Variants in NFIA observed in about 807,000 individuals in gnomAD.
NFIA encodes the protein nuclear factor I A.
In NFIA, 8 loss-of-function variants were observed where a neutral mutation model predicts 62.8. The observed-to-expected ratio is 0.13, with a 90% confidence interval of 0.07 to 0.23. The LOEUF (loss-of-function observed/expected upper bound fraction) is 0.23. Among genes scored for constraint, NFIA ranks in the 10% least tolerant of loss-of-function variants. The pLI, the probability that NFIA is intolerant of heterozygous loss-of-function variation, is 1.00. For missense variants in NFIA, 410 were observed against 642.1 expected (o/e 0.64, Z 3.91); for synonymous variants, 235 against 238.1 (o/e 0.99, Z 0.12).
chr1:61,140,729 G>A (rs1647442991), intron 2 of NFIA, among the ~76,000 whole-genome samples: 2 of 152,054 alleles, frequency 1.3e-5, no homozygotes, highest in South Asian at 4.1e-4. Flanking sequence ...GAGTGAATTG[G>A]TAAGATAAAA....
intron 2 of NFIA, among the ~76,000 whole-genome samples, chr1:61,225,067 A>G (rs913212359): frequency 6.6e-6 from 1 of 152,222 alleles, no homozygotes; most frequent in African/African-American, 2.4e-5. Flanking sequence ...ATAGGAATCT[A>G]TTGAACCCTT....
intron 2 of NFIA, among the ~76,000 whole-genome samples, chr1:61,235,095 A>G (rs1318330580): frequency 6.6e-6 from 1 of 152,254 alleles, no homozygotes; most frequent in Non-Finnish European, 1.5e-5. Context: ...AGTGAAAGGC[A>G]TAATGGACAG....
intron 10 of NFIA, among the ~76,000 whole-genome samples, chr1:61,437,085 C>T (rs1464351469): frequency 1.2e-4 from 19 of 152,280 alleles, no homozygotes; most frequent in Admixed American, 6.5e-5. Context: ...AGGGCAACCT[C>T]GGACCCTCAC....
chr1:61,386,156 C>T (rs1458950521), intron 7 of NFIA, among the ~76,000 whole-genome samples: 3 of 152,138 alleles, frequency 2.0e-5, no homozygotes, highest in Non-Finnish European at 4.4e-5. Flanking sequence ...AGTTGGAAAG[C>T]TAATGCTTGG....
At chr1:61,139,916 A>G (rs1374758473) in intron 2 of NFIA, among the ~76,000 whole-genome samples, 1 of 151,052 alleles carries the variant, frequency 6.6e-6, no homozygotes, top group Non-Finnish European at 1.5e-5. Context: ...GGTATCTGCT[A>G]ATGGGTCAAA....
intron 1 of NFIA, among the ~76,000 whole-genome samples, chr1:61,084,137 C>G (rs915873139): frequency 1.3e-5 from 2 of 152,164 alleles, no homozygotes; most frequent in African/African-American, 2.4e-5. Flanking sequence ...TTATTCACCT[C>G]TCCCTTAAAA....
intron 7 of NFIA, among the ~76,000 whole-genome samples, chr1:61,386,865 G>A (rs941566220): frequency 3.9e-5 from 6 of 152,178 alleles, no homozygotes; most frequent in Admixed American, 1.3e-4. Context: ...AGTTCTAGAG[G>A]CTGGAAGTCC....
chr1:61,272,519 C>T (rs751760931), intron 2 of NFIA, among the ~76,000 whole-genome samples: 3 of 152,092 alleles, frequency 2.0e-5, no homozygotes, highest in Non-Finnish European at 4.4e-5. Context: ...AATTATGTTA[C>T]TCATAAGAAC....
chr1:61,282,181 C>T (rs1346561814), intron 3 of NFIA, among the ~76,000 whole-genome samples: 2 of 152,096 alleles, frequency 1.3e-5, no homozygotes, highest in Non-Finnish European at 1.5e-5. Flanking sequence ...CCCGCCCCCA[C>T]CCCCACTTCA....
chr1:61,182,877 A>G (rs767329627), intron 2 of NFIA, among the ~76,000 whole-genome samples: 1 of 152,218 alleles, frequency 6.6e-6, no homozygotes, highest in Non-Finnish European at 1.5e-5. Flanking sequence ...ATTACTTATG[A>G]TTGTAGTCAA....
At chr1:61,375,271 A>T (rs956650932) in intron 6 of NFIA, among the ~76,000 whole-genome samples, 1 of 152,192 alleles carries the variant, frequency 6.6e-6, no homozygotes. Context: ...GGTACTCAGC[A>T]TTCATGCTGG....
At chr1:61,197,862 T>G (rs1411360656) in intron 2 of NFIA, among the ~76,000 whole-genome samples, 3 of 151,918 alleles carry the variant, frequency 2.0e-5, no homozygotes, top group Non-Finnish European at 4.4e-5. Flanking sequence ...GTGCCAGTAA[T>G]TCCAGCTACT....
At chr1:61,323,451 A>T (rs1262392166) in intron 3 of NFIA, among the ~76,000 whole-genome samples, 1 of 152,192 alleles carries the variant, frequency 6.6e-6, no homozygotes, top group Non-Finnish European at 1.5e-5. Context: ...GGTTAATCTC[A>T]CAAACAGAAT....
chr1:61,118,198 A>G (rs1050972635), intron 2 of NFIA, among the ~76,000 whole-genome samples: 7 of 151,766 alleles, frequency 4.6e-5, no homozygotes, highest in African/African-American at 1.4e-4. Context: ...GAACAAAAAA[A>G]AAAAAAAGAA....
chr1:61,237,899 G>A (rs1044824060), intron 2 of NFIA, among the ~76,000 whole-genome samples: 4 of 152,164 alleles, frequency 2.6e-5, no homozygotes, highest in African/African-American at 9.7e-5. Context: ...CAGAATGGAA[G>A]TGCATCATTA....
chr1:61,093,440 G>A (rs1646356090), intron 2 of NFIA, among the ~76,000 whole-genome samples: 1 of 152,088 alleles, frequency 6.6e-6, no homozygotes, highest in Non-Finnish European at 1.5e-5. Context: ...CTAGCTTTAA[G>A]CTCAAGGTGG....
At position 61,406,461 on chromosome 1, in the gene NFIA, A is replaced by G; in HGVS notation, c.1255-101A>G. ...GCTAGATACTTAGTAATTTACATTAAAGGTGCCTGATGAATATTTTGTTTT... is the reference window on the plus strand; with the variant it reads ...GCTAGATACTTAGTAATTTACATTAGAGGTGCCTGATGAATATTTTGTTTT... On this transcript the variant is annotated intron_variant, in intron 8 of 10. Transcript: ENST00000403491. The G allele has an allele frequency of 4.1e-6, 4 of 965,872 alleles. No individual in the cohort carries two copies. In the South Asian group the frequency reaches 4.9e-5, roughly 12 times the overall value. 59.8% of individuals were successfully genotyped at this position (965,872 alleles called of 1,614,324 possible).
intron 2 of NFIA, among the ~76,000 whole-genome samples, chr1:61,273,614 A>G (rs897843894): frequency 2.0e-5 from 3 of 152,192 alleles, no homozygotes; most frequent in African/African-American, 4.8e-5. Context: ...TCAGTTCAGC[A>G]GTTATTGAAC....
chr1:61,328,314 C>G (rs1661073593), intron 3 of NFIA, among the ~76,000 whole-genome samples: 2 of 152,158 alleles, frequency 1.3e-5, no homozygotes, highest in Non-Finnish European at 2.9e-5. Flanking sequence ...TCTTCTTTTC[C>G]TATTTGGCTC....
Sources: gnomAD v4.1 joint callset for allele counts (sites outside exome capture counted in the v4.1 genomes callset) on GRCh38, gnomAD v4.1.1 for gene constraint, MANE v1.5 for transcripts, NCBI Gene and HGNC (gene_info 2026-07-23, HGNC 2026-07-21) for gene names.